The following ZBED4 variants were observed in gnomAD, a reference collection of about 807,000 sequenced individuals.
ZBED4 encodes zinc finger BED domain-containing protein 4.
A neutral mutation model predicts 15.5 loss-of-function variants in ZBED4; 4 were observed. That is an observed-to-expected ratio of 0.26 (90% CI 0.13 to 0.59). The LOEUF is 0.59. Ranked by LOEUF, ZBED4 falls within the 20% of genes least tolerant of loss-of-function variation. ZBED4 has a pLI of 0.90. For missense variants in ZBED4, 1,323 were observed against 1,461.8 expected, an observed-to-expected ratio of 0.91 and a Z score of 1.55; for synonymous variants, 692 against 608.5, an observed-to-expected ratio of 1.14 and a Z score of -2.02.
rs750699650 is a variant in ZBED4, at chr22:49,884,901, C to A, written c.1239C>A (p.Ala413=). The part of the protein sequence containing the change: ...PGDGLMEDVA[A]FSSSDDIGEA... The stretch of plus-strand genomic sequence containing the variant: ...ATGGGCTGATGGAAGACGTGGCGGC[C>A]TTCTCATCTTCCGATGACATAGGGG... Residue 413 remains alanine, a synonymous_variant, in exon 2 of 2, where the codon GCC becomes GCA. Coordinates refer to ENST00000216268, the MANE Select transcript of ZBED4 (RefSeq NM_014838.3). 1 of 1,602,204 alleles carries A rather than the reference C, an allele frequency of 6.2e-7. No individual in the cohort carries two copies.
rs754350613 is a variant in ZBED4 at position 49,884,388 on chromosome 22, G to A, written c.726G>A (p.Ser242=). The A allele has an allele frequency of 6.2e-6, 10 of 1,612,590 alleles. No homozygotes were observed. Among genetic ancestry groups the A allele is most frequent in the South Asian group, 2.2e-5 (2 of 91,004 alleles). ...SEEISSDMSV[S]EKCGREEALV... is the part of the protein sequence containing the mutation. ...AAATCTCCTCTGACATGTCCGTTTC[G>A]GAGAAGTGCGGCAGAGAAGAAGCCC... The change falls in exon 2 of 2, where the codon TCG becomes TCA. Residue 242 remains serine (S), a synonymous_variant. Coordinates refer to ENST00000216268, the MANE Select transcript of ZBED4 (RefSeq NM_014838.3).
intron 1 of ZBED4, among the ~76,000 whole-genome samples, chr22:49,873,738 C>T (rs1335864839): frequency 6.6e-6 from 1 of 152,176 alleles, no homozygotes; most frequent in East Asian, 1.9e-4. Flanking sequence ...CCCCACCCTG[C>T]AGCCCCAAGA....
intron 1 of ZBED4, among the ~76,000 whole-genome samples, chr22:49,882,592 T>G (rs2060414988): frequency 6.6e-6 from 1 of 152,208 alleles, no homozygotes; most frequent in African/African-American, 2.4e-5. Flanking sequence ...GTTACACCCT[T>G]ACAGCTCCTG....
chr22:49,867,294 G>A (rs757191067), intron 1 of ZBED4, among the ~76,000 whole-genome samples: 7 of 152,178 alleles, frequency 4.6e-5, no homozygotes, highest in Non-Finnish European at 8.8e-5. Context: ...TGCCCAACGC[G>A]TATGTTATGG....
At chr22:49,868,149 C>T (rs771408984) in intron 1 of ZBED4, among the ~76,000 whole-genome samples, 16 of 152,294 alleles carry the variant, frequency 1.1e-4, no homozygotes, top group African/African-American at 3.6e-4. Flanking sequence ...TGTTGGTTAA[C>T]GGAAAGACCT....
chr22:49,881,063 T>C (rs1330777298), intron 1 of ZBED4, among the ~76,000 whole-genome samples: 2 of 152,244 alleles, frequency 1.3e-5, no homozygotes, highest in African/African-American at 4.8e-5. Flanking sequence ...TTTCATTTTC[T>C]GGCCAGGCGC....
intron 1 of ZBED4, among the ~76,000 whole-genome samples, chr22:49,860,660 T>C (rs1442207984): frequency 6.6e-6 from 1 of 152,226 alleles, no homozygotes; most frequent in Non-Finnish European, 1.5e-5. Flanking sequence ...CCCATTTGTT[T>C]CAGATCATTT....
intron 1 of ZBED4, among the ~76,000 whole-genome samples, chr22:49,857,668 T>G (rs938740599): frequency 9.9e-5 from 15 of 152,224 alleles, no homozygotes; most frequent in Non-Finnish European, 2.1e-4. Context: ...CTCGGCTCAC[T>G]GCAACCTCTG....
intron 1 of ZBED4, among the ~76,000 whole-genome samples, chr22:49,862,270 CTCTG>C (rs549526683): frequency 1.1e-3 from 171 of 152,264 alleles, no homozygotes; most frequent in African/African-American, 3.9e-3. Flanking sequence ...AAGGTGGTTT[CTCTG>C]TCTTTCTTAT....
intron 1 of ZBED4, among the ~76,000 whole-genome samples, chr22:49,878,092 G>T (rs1026786228): frequency 6.6e-6 from 1 of 152,026 alleles, no homozygotes; most frequent in Admixed American, 6.6e-5. Context: ...ATCACCTGAG[G>T]TCAGGAATTC....
At position 49,887,327 on chromosome 22, in the gene ZBED4, C is replaced by G; in HGVS notation, c.*149C>G. On this transcript the variant is annotated 3_prime_UTR_variant, in exon 2 of 2. Transcript: ENST00000216268. Reference sequence around the variant, plus strand: ...TCTCCAGCTCACCACAGTGTCTCCACGTGCCTTACCCCTTCTCCTTCAGGC... The same window carrying G: ...TCTCCAGCTCACCACAGTGTCTCCAGGTGCCTTACCCCTTCTCCTTCAGGC... 1 of 789,156 alleles carries G rather than the reference C, an allele frequency of 1.3e-6. No homozygotes were observed. Among genetic ancestry groups the G allele is most frequent in the Non-Finnish European group, 2.0e-6 (1 of 507,098 alleles). The allele number at this position is 789,156 out of a possible 1,614,324, so 48.9% of individuals were successfully genotyped here.
Position 49,889,830 on chromosome 22 carries a change from C to T in ZBED4, c.*2652C>T, listed in dbSNP as rs2060458918. ...GAAAATATGTTGATTCTTAGCCATT[C>T]CCACCTTGCCTCTCCGTTCAGAACC... On this transcript the variant is annotated 3_prime_UTR_variant, in exon 2 of 2. Transcript: ENST00000216268. 6.0e-6 allele frequency: 1 copy of T among 167,070 alleles called. No individual in the cohort carries two copies. Among genetic ancestry groups the T allele is most frequent in the Non-Finnish European group, 1.5e-5 (1 of 68,112 alleles). 10.3% of individuals were successfully genotyped at this position (167,070 alleles called of 1,614,324 possible).
intron 1 of ZBED4, among the ~76,000 whole-genome samples, chr22:49,873,373 T>C (rs2060358113): frequency 6.6e-6 from 1 of 152,186 alleles, no homozygotes; most frequent in Non-Finnish European, 1.5e-5. Context: ...GACGGGGAAC[T>C]GCTGGTTGAT....
rs1325405077 is a variant in ZBED4, at chr22:49,885,672, C to G, written c.2010C>G (p.Leu670=). The G allele has an allele frequency of 6.8e-6, 11 of 1,612,582 alleles. No homozygotes were observed. Among genetic ancestry groups the G allele is most frequent in the Non-Finnish European group, 9.3e-6 (11 of 1,178,808 alleles). Residue 670 remains leucine, a synonymous_variant, in exon 2 of 2, where the codon CTC becomes CTG. Transcript: ENST00000216268. ...TAGCTGAAATGATTGCACTTGACCT[C>G]CAGCCATATTCTTTTGTAGACAACG... is the stretch of plus-strand genomic sequence containing the variant. ...SLIAEMIALD[L]QPYSFVDNVG... is the part of the protein sequence containing the mutation.
At position 49,884,053 on chromosome 22, in the gene ZBED4, A is replaced by G. The variant is rs1383791540; in HGVS notation, c.391A>G (p.Ser131Gly). 1 of 1,603,914 alleles carries G rather than the reference A, an allele frequency of 6.2e-7. No homozygotes were observed. The highest frequency in any genetic ancestry group is 8.5e-7 in the Non-Finnish European group (1 of 1,176,054). ...GCATTTTTTTATCTCTCCCCGAGAC[A>G]GCACTAAAGCAATATGCATGTACTG... Reference protein sequence around the residue: ...WKHFFISPRDSTKAICMYCVK... With the variant: ...WKHFFISPRDGTKAICMYCVK... The change falls in exon 2 of 2, where the codon AGC becomes GGC. Residue 131 changes from serine (S) to glycine (G), a missense_variant. Around this residue, in one of 6 missense-constraint regions of ZBED4, gnomAD observed 380 missense variants for 413.7 expected, o/e 0.92. Transcript: ENST00000216268.
chr22:49,886,259 C>T lies in ZBED4; in HGVS notation c.2597C>T (p.Ala866Val), dbSNP rs374350557. 5.6e-5 allele frequency: 70 copies of T among 1,255,796 alleles called. 1 individual carries two copies. The South Asian group carries it at 5.7e-4, about 10-fold the overall frequency. 77.8% of individuals were successfully genotyped at this position (1,255,796 alleles called of 1,614,324 possible). The change falls in exon 2 of 2, where the codon GCG (alanine) becomes GTG (valine). Residue 866 changes from alanine to valine, a missense_variant. By Grantham distance (64) the Ala-to-Val change is moderately conservative. This residue lies in a region of ZBED4 where 100 missense variants were observed against 79.3 expected (regional missense o/e 1.26). Coordinates refer to ENST00000216268, the MANE Select transcript of ZBED4 (RefSeq NM_014838.3). This position sits in a 1 kb window ranked among gnomAD's most constrained non-coding sequence, Gnocchi z 7.7. Reference sequence around the variant, plus strand: ...GAGCGGGTGCACCGGTCGCCCAAGGCGAAGGAGAAACTGGCCGAGCTGCAG... The same window carrying T: ...GAGCGGGTGCACCGGTCGCCCAAGGTGAAGGAGAAACTGGCCGAGCTGCAG... ...ICERVHRSPK[A>V]KEKLAELQRE... is the part of the protein sequence containing the mutation.
intron 1 of ZBED4, among the ~76,000 whole-genome samples, chr22:49,865,643 C>T (rs1036029819): frequency 1.3e-5 from 2 of 152,054 alleles, no homozygotes; most frequent in African/African-American, 4.8e-5. Flanking sequence ...CCACTGCACT[C>T]CAGTCTGGGC....
At position 49,884,368 on chromosome 22, in the gene ZBED4, T is replaced by C. The variant is rs2060425481; in HGVS notation, c.706T>C (p.Ser236Pro). The part of the protein sequence containing the change: ...SVSVVSSEEI[S>P]SDMSVSEKCG... Reference sequence around the variant, plus strand: ...GTCTGTAGTTTCTTCTGAAGAAATCTCCTCTGACATGTCCGTTTCGGAGAA... The same window carrying C: ...GTCTGTAGTTTCTTCTGAAGAAATCCCCTCTGACATGTCCGTTTCGGAGAA... The change falls in exon 2 of 2, where the codon TCC becomes CCC. Residue 236 changes from serine (S) to proline (P), a missense_variant. Ser to Pro is a moderately conservative substitution (Grantham distance 74, BLOSUM62 -1). Coordinates refer to ENST00000216268, the MANE Select transcript of ZBED4 (RefSeq NM_014838.3). The C allele has an allele frequency of 6.2e-7, 1 of 1,611,876 alleles. No homozygotes were observed. The highest frequency in any genetic ancestry group is 2.2e-5 in the East Asian group (1 of 44,836).
At chr22:49,871,776 A>G (rs1432964891) in intron 1 of ZBED4, among the ~76,000 whole-genome samples, 2 of 139,014 alleles carry the variant, frequency 1.4e-5, no homozygotes, top group East Asian at 2.2e-4. Flanking sequence ...TTTTTTTGAG[A>G]CAGAGTCTTA....
Sources: allele counts gnomAD v4.1 joint callset (sites outside exome capture counted in the v4.1 genomes callset), GRCh38; gene constraint gnomAD v4.1.1; regional missense constraint gnomAD v4.1.1; non-coding constraint Gnocchi (gnomAD v3.1); transcripts MANE v1.5; gene names NCBI Gene and HGNC (gene_info 2026-07-23, HGNC 2026-07-21).